FMNL3: variants seen among roughly 807,000 people sequenced by gnomAD.
The protein encoded by FMNL3 is formin-like protein 3.
In FMNL3, 57 loss-of-function variants were observed where a neutral mutation model predicts 119.6. The ratio of observed to expected loss-of-function variants is 0.48; its 90% CI spans 0.39 to 0.59. FMNL3 has a LOEUF of 0.59. FMNL3 is among the 20% of genes least tolerant of loss of function. The probability of loss-of-function intolerance (pLI) is 0.00; values close to 1 mark genes in which losing one functional copy is unlikely to be tolerated. For missense variants in FMNL3, 1,053 were observed against 1,323.5 expected (o/e 0.80, Z 3.17); for synonymous variants, 491 against 507.3 (o/e 0.97, Z 0.43).
chr12:49,651,218 G>A lies in FMNL3; in HGVS notation c.1747C>T (p.Gln583Ter). The A allele has an allele frequency of 6.2e-7, 1 of 1,613,908 alleles. No individual in the cohort carries two copies. The highest frequency in any genetic ancestry group is 8.5e-7 in the Non-Finnish European group (1 of 1,179,796). The change falls in exon 16 of 26, where the codon CAG (glutamine) becomes TAG (stop). Residue 583 changes from glutamine to a stop codon, truncating the protein, a stop_gained. Transcript: ENST00000335154. LOFTEE classifies it high-confidence loss of function. ...TCGCTGAAGACAGTGCCACTGATCT[G>A]GTTGGGTTTCAGTGCTGTCCAGTTG... is the stretch of plus-strand genomic sequence containing the variant. ...VFNWTALKPN[Q>*]ISGTVFSELD...
At chr12:49,667,087 C>T (rs1943912476) in intron 2 of FMNL3, among the ~76,000 whole-genome samples, 1 of 151,930 alleles carries the variant, frequency 6.6e-6, no homozygotes, top group African/African-American at 2.4e-5. Flanking sequence ...GACCTGGGAC[C>T]ACGTCCTACT....
chr12:49,691,667 CTT>C (rs1944603950), intron 1 of FMNL3, among the ~76,000 whole-genome samples: 2 of 152,132 alleles, frequency 1.3e-5, no homozygotes, highest in African/African-American at 2.4e-5. Flanking sequence ...CACTGGTGCC[CTT>C]TCTCTCTCTC....
rs1044113294 is a variant in FMNL3 at position 49,645,466 on chromosome 12, A to C, written c.*349T>G. 3 of 225,500 alleles carry C rather than the reference A, an allele frequency of 1.3e-5. No homozygotes were observed. The highest frequency in any genetic ancestry group is 6.9e-5 in the African/African-American group (3 of 43,608). 14.0% of individuals were successfully genotyped at this position (225,500 alleles called of 1,614,324 possible). A position where few individuals can be genotyped will look rare whatever the true frequency, so the allele number is the denominator to read the frequency against. On this transcript the variant is annotated 3_prime_UTR_variant, in exon 26 of 26. Coordinates refer to ENST00000335154, the MANE Select transcript of FMNL3 (RefSeq NM_175736.5). ...CAAAAAGGAAGGGAAAAAAAAAGAA[A>C]GAACAGTTGCTCTCTCCTCTCATCC...
intron 1 of FMNL3, among the ~76,000 whole-genome samples, chr12:49,701,742 G>A (rs1167539135): frequency 2.6e-5 from 4 of 152,042 alleles, no homozygotes; most frequent in Middle Eastern, 3.4e-3. Context: ...GCCAACACAT[G>A]GTGAAACCCC....
chr12:49,643,142 C>A lies in FMNL3; in HGVS notation c.*2673G>T. 1 of 1,592,096 alleles carries A rather than the reference C, an allele frequency of 6.3e-7. No homozygotes were observed. The highest frequency in any genetic ancestry group is 1.1e-5 in the South Asian group (1 of 89,576). On this transcript the variant is annotated 3_prime_UTR_variant, in exon 26 of 26. Coordinates refer to ENST00000335154, the MANE Select transcript of FMNL3 (RefSeq NM_175736.5). ...GAGGATTCCTTTGGCCCTGGGTCCT[C>A]CTCCTCTCTCGAATTCCCAGACGAG...
intron 15 of FMNL3, 44 bp downstream of exon 15, chr12:49,651,338 C>G (rs764598779): frequency 7.5e-6 from 12 of 1,598,760 alleles, no homozygotes; most frequent in Admixed American, 1.7e-5. Flanking sequence ...AGGACACACA[C>G]CCCTGGTCCC....
chr12:49,657,708 G>C (rs1457515854), intron 6 of FMNL3, among the ~76,000 whole-genome samples: 2 of 152,170 alleles, frequency 1.3e-5, no homozygotes, highest in African/African-American at 4.8e-5. Context: ...CATGGAAAAG[G>C]GAGGAGACAC....
rs1320601362 is a variant in FMNL3, at chr12:49,639,808, A to G, written c.*6007T>C. 1 of 152,240 alleles carries G rather than the reference A, an allele frequency of 6.6e-6. No individual in the cohort carries two copies. The highest frequency in any genetic ancestry group is 1.5e-5 in the Non-Finnish European group (1 of 68,056). The allele number at this position is 152,240 out of a possible 1,614,324, so 9.4% of individuals were successfully genotyped here. A position where few individuals can be genotyped will look rare whatever the true frequency, so the allele number is the denominator to read the frequency against. On this transcript the variant is annotated 3_prime_UTR_variant, in exon 26 of 26. Coordinates refer to ENST00000335154, the MANE Select transcript of FMNL3 (RefSeq NM_175736.5). ...AGGGCAGTGGATGATGGCACTATTG[A>G]TAAGGATAAAACAAGAAGAGCAAGG...
intron 1 of FMNL3, among the ~76,000 whole-genome samples, chr12:49,685,974 C>T (rs1418177058): frequency 1.3e-5 from 2 of 151,492 alleles, no homozygotes; most frequent in Non-Finnish European, 2.9e-5. Context: ...GGCTGAGGCA[C>T]GAGAATCACT....
In FMNL3 at chr12:49,655,839, G is replaced by A. The variant is rs78323195; in HGVS notation, c.885+565C>T. Among the ~76,000 whole-genome samples, 92 of 152,330 alleles carry A rather than the reference G, an allele frequency of 6.0e-4. No individual in the cohort carries two copies. The East Asian group carries it at 0.011, about 18-fold the overall frequency. ...GTGGGACCACCAGCTGTGGCTGGAT[G>A]TCGAAGAATCCTATGTTCAAGTAGA... On this transcript the variant is annotated intron_variant, in intron 9 of 25. Coordinates refer to ENST00000335154, the MANE Select transcript of FMNL3 (RefSeq NM_175736.5).
At position 49,697,121 on chromosome 12, in the gene FMNL3, C is replaced by CA. The variant is rs777177614; in HGVS notation, c.126+9933dup. Reference sequence around the variant, plus strand: ...TGAGAACTACTGTTGACAGATCTCTCAAACATATTCCCAACTTATAAAAAC... The same window carrying CA: ...TGAGAACTACTGTTGACAGATCTCTCAAAACATATTCCCAACTTATAAAAAC... On this transcript the variant is annotated intron_variant, in intron 1 of 25. Coordinates refer to ENST00000335154, the MANE Select transcript of FMNL3 (RefSeq NM_175736.5). Among the ~76,000 whole-genome samples the CA allele has an allele frequency of 2.6e-5, 4 of 152,210 alleles. No individual in the cohort carries two copies. In the East Asian group the frequency reaches 7.7e-4, roughly 29 times the overall value.
chr12:49,655,073 G>A (rs1438887009), intron 9 of FMNL3, 89 bp from the exon 10 acceptor site: 4 of 1,224,536 alleles, frequency 3.3e-6, no homozygotes, highest in East Asian at 2.3e-5. Flanking sequence ...TCATGGCAAA[G>A]GACTGGTTCA....
intron 1 of FMNL3, chr12:49,688,624 G>A (rs971449765): frequency 4.8e-6 from 2 of 418,218 alleles, no homozygotes; most frequent in African/African-American, 4.1e-5. Flanking sequence ...GTGGTAAGTG[G>A]GTCTGCAAGA....
chr12:49,653,974 T>G (rs1943488366), intron 11 of FMNL3, 100 bp from the exon 12 acceptor site: 1 of 1,462,020 alleles, frequency 6.8e-7, no homozygotes. Flanking sequence ...TCGCCACCAC[T>G]TCCCAAAGAG....
chr12:49,705,520 TAAC>T (rs1027742608), intron 1 of FMNL3, among the ~76,000 whole-genome samples: 62 of 152,198 alleles, frequency 4.1e-4, no homozygotes, highest in Middle Eastern at 3.4e-3. Flanking sequence ...TTTCTATAGC[TAAC>T]TTGTGTCAGC....
At chr12:49,703,537 T>C (rs1944965635) in intron 1 of FMNL3, among the ~76,000 whole-genome samples, 1 of 151,844 alleles carries the variant, frequency 6.6e-6, no homozygotes, top group Admixed American at 6.6e-5. Context: ...CTAGAAAATA[T>C]TACTGTTTCT....
intron 22 of FMNL3, 68 bp downstream of exon 22, chr12:49,648,125 C>G: frequency 6.8e-7 from 1 of 1,472,986 alleles, no homozygotes; most frequent in Non-Finnish European, 9.1e-7. Flanking sequence ...AAAAATAGAA[C>G]TAGGGCCACC....
rs770709129 is a variant in FMNL3, at chr12:49,639,043, C to G, written c.*6772G>C. 1.3e-5 allele frequency: 2 copies of G among 152,206 alleles called. No homozygotes were observed. Among genetic ancestry groups the G allele is most frequent in the African/African-American group, 2.4e-5 (1 of 41,454 alleles). 9.4% of individuals were successfully genotyped at this position (152,206 alleles called of 1,614,324 possible). A position where few individuals can be genotyped will look rare whatever the true frequency, so the allele number is the denominator to read the frequency against. On this transcript the variant is annotated 3_prime_UTR_variant, in exon 26 of 26. Coordinates refer to ENST00000335154, the MANE Select transcript of FMNL3 (RefSeq NM_175736.5). ...ATCATACTGTCCTGAGGTATCCTCTCTTTCTCTGGAACCACATGCCCCAGC... is the reference window on the plus strand; with the variant it reads ...ATCATACTGTCCTGAGGTATCCTCTGTTTCTCTGGAACCACATGCCCCAGC...
At chr12:49,659,858 T>C in intron 5 of FMNL3, 1 of 985,454 alleles carries the variant, frequency 1.0e-6, no homozygotes. Flanking sequence ...TCTTCCTCCA[T>C]GTAGGTCATT....
Sources: gnomAD v4.1 joint callset for allele counts (sites outside exome capture counted in the v4.1 genomes callset) on GRCh38, gnomAD v4.1.1 for gene constraint, MANE v1.5 for transcripts, NCBI Gene and HGNC (gene_info 2026-07-23, HGNC 2026-07-21) for gene names.